The following TMTC2 variants were observed in gnomAD, a reference collection of about 807,000 sequenced individuals.
The protein encoded by TMTC2 is protein O-mannosyl-transferase TMTC2.
A neutral mutation model predicts 82.4 loss-of-function variants in TMTC2; 43 were observed. The observed-to-expected ratio is 0.52, with a 90% CI of 0.41 to 0.67. The LOEUF (loss-of-function observed/expected upper bound fraction) is 0.67, where lower values mean the gene tolerates loss of function less well. TMTC2 is among the 30% of genes least tolerant of loss of function. The pLI, the probability that TMTC2 is intolerant of heterozygous loss-of-function variation, is 0.00. For missense variants in TMTC2, 919 were observed against 1,012.4 expected (o/e 0.91, Z 1.25); for synonymous variants, 408 against 381.9 (o/e 1.07, Z -0.80).
At chr12:82,715,574 C>G (rs1873858990) in intron 1 of TMTC2, among the ~76,000 whole-genome samples, 1 of 152,108 alleles carries the variant, frequency 6.6e-6, no homozygotes, top group Non-Finnish European at 1.5e-5. Context: ...TTTCTTCCTG[C>G]AGTAAGAGTT....
At chr12:82,699,759 A>G (rs533819116) in intron 1 of TMTC2, among the ~76,000 whole-genome samples, 26 of 152,280 alleles carry the variant, frequency 1.7e-4, no homozygotes, top group Admixed American at 1.5e-3. Context: ...ACAAGGAGGC[A>G]AAGAGTAAAG....
chr12:83,104,140 G>T (rs1884320811), intron 11 of TMTC2, among the ~76,000 whole-genome samples: 1 of 152,212 alleles, frequency 6.6e-6, no homozygotes, highest in Non-Finnish European at 1.5e-5. Flanking sequence ...CTCTGCCCCT[G>T]TGGCTTTGCA....
intron 2 of TMTC2, among the ~76,000 whole-genome samples, chr12:82,881,956 C>T (rs116297184): frequency 0.016 from 2,437 of 151,796 alleles, 71 homozygotes; most frequent in African/African-American, 0.056. Context: ...CACCTTTTCC[C>T]ACGTTACCCA....
chr12:83,064,593 C>T (rs1461102000), intron 11 of TMTC2, among the ~76,000 whole-genome samples: 1 of 151,862 alleles, frequency 6.6e-6, no homozygotes, highest in East Asian at 1.9e-4. Flanking sequence ...TAAAACACCA[C>T]AGCACAGAGG....
At chr12:82,747,542 G>C (rs1182713463) in intron 1 of TMTC2, among the ~76,000 whole-genome samples, 4 of 152,100 alleles carry the variant, frequency 2.6e-5, no homozygotes, top group African/African-American at 7.2e-5. Flanking sequence ...GGAAAGAAAT[G>C]GAAGAAAAAG....
At chr12:82,978,636 G>A (rs1036414161) in intron 7 of TMTC2, among the ~76,000 whole-genome samples, 2 of 151,696 alleles carry the variant, frequency 1.3e-5, no homozygotes, top group African/African-American at 2.4e-5. Context: ...AATGATCCAT[G>A]TGCTGCGGTG....
intron 11 of TMTC2, among the ~76,000 whole-genome samples, chr12:83,125,248 T>G (rs1259064303): frequency 2.6e-5 from 4 of 152,234 alleles, no homozygotes; most frequent in African/African-American, 9.6e-5. Context: ...GATTCTCTGT[T>G]TTGTTTATAA....
intron 2 of TMTC2, among the ~76,000 whole-genome samples, chr12:82,883,484 C>A (rs367814943): frequency 6.6e-6 from 1 of 152,136 alleles, no homozygotes; most frequent in African/African-American, 2.4e-5. Flanking sequence ...ATTATGGTAT[C>A]TTTGAGAGAA....
intron 1 of TMTC2, among the ~76,000 whole-genome samples, chr12:82,719,081 ATATATTTTTTT>A (rs1874054646): frequency 3.3e-5 from 2 of 61,502 alleles, no homozygotes; most frequent in South Asian, 1.4e-3. Flanking sequence ...ATATATATAT[ATATATTTTTTT>A]TTTTTTTTTT....
chr12:82,995,224 G>A (rs1345247741), intron 8 of TMTC2, among the ~76,000 whole-genome samples: 2 of 151,990 alleles, frequency 1.3e-5, no homozygotes, highest in Non-Finnish European at 2.9e-5. Flanking sequence ...TAGGAGTGAT[G>A]GTACAGACAA....
chr12:83,109,217 G>C (rs1015963908), intron 11 of TMTC2, among the ~76,000 whole-genome samples: 4 of 152,046 alleles, frequency 2.6e-5, no homozygotes, highest in African/African-American at 9.7e-5. Flanking sequence ...CTCAGCTTCT[G>C]GGGGGGCCTC....
chr12:82,739,999 G>T (rs1183223841), intron 1 of TMTC2, among the ~76,000 whole-genome samples: 1 of 151,974 alleles, frequency 6.6e-6, no homozygotes, highest in East Asian at 1.9e-4. Flanking sequence ...CTGGGTAGTA[G>T]TCAGTATGTT....
chr12:83,068,796 G>C (rs1157834238), intron 11 of TMTC2, among the ~76,000 whole-genome samples: 1 of 151,838 alleles, frequency 6.6e-6, no homozygotes, highest in Non-Finnish European at 1.5e-5. Flanking sequence ...TGAGATTTTG[G>C]TGAACCCATC....
At chr12:83,083,918 A>G (rs552582098) in intron 11 of TMTC2, among the ~76,000 whole-genome samples, 3 of 152,292 alleles carry the variant, frequency 2.0e-5, no homozygotes, top group Non-Finnish European at 4.4e-5. Flanking sequence ...GGGGAAATTC[A>G]AGTGATTTTT....
chr12:83,081,868 G>C, intron 11 of TMTC2, among the ~76,000 whole-genome samples: 1 of 150,342 alleles, frequency 6.7e-6, no homozygotes, highest in Non-Finnish European at 1.5e-5. Context: ...ACAAGACCCT[G>C]TTGTTACAAA....
chr12:83,007,183 T>A (rs1281884255), intron 8 of TMTC2, among the ~76,000 whole-genome samples: 2 of 152,198 alleles, frequency 1.3e-5, no homozygotes. Context: ...CTATTCTCTC[T>A]TTCATTTATT....
At chr12:82,899,038 T>C (rs1388819303) in intron 3 of TMTC2, among the ~76,000 whole-genome samples, 1 of 152,224 alleles carries the variant, frequency 6.6e-6, no homozygotes, top group East Asian at 1.9e-4. Flanking sequence ...ATTTCTTTAT[T>C]TTTCCATTCA....
At chr12:82,711,373 A>G (rs1013820034) in intron 1 of TMTC2, among the ~76,000 whole-genome samples, 3 of 152,260 alleles carry the variant, frequency 2.0e-5, no homozygotes, top group African/African-American at 7.2e-5. Context: ...GGTAGCTTAT[A>G]TAAGTCCAAA....
At chr12:82,983,815 T>G (rs1421745039) in intron 7 of TMTC2, among the ~76,000 whole-genome samples, 1 of 152,172 alleles carries the variant, frequency 6.6e-6, no homozygotes, top group African/African-American at 2.4e-5. Context: ...TATGTGGATA[T>G]GTTTTCTCAT....
Sources: allele counts gnomAD v4.1 joint callset (sites outside exome capture counted in the v4.1 genomes callset), GRCh38; gene constraint gnomAD v4.1.1; transcripts MANE v1.5; gene names NCBI Gene and HGNC (gene_info 2026-07-23, HGNC 2026-07-21).